CEP97: variants seen among roughly 807,000 people sequenced by gnomAD.
CEP97 encodes the protein centrosomal protein 97, also known as centrosomal protein of 97 kDa.
Under a neutral mutation model 73.1 loss-of-function variants are expected in CEP97, and 43 were observed. The ratio of observed to expected loss-of-function variants is 0.59; its 90% CI spans 0.46 to 0.76. The LOEUF (loss-of-function observed/expected upper bound fraction) is 0.76, where lower values mean the gene tolerates loss of function less well. CEP97 is among the 30% of genes least tolerant of loss of function. The pLI, the probability that CEP97 is intolerant of heterozygous loss-of-function variation, is 0.00. For missense variants in CEP97, 939 were observed against 1,014.0 expected, an observed-to-expected ratio of 0.93 and a Z score of 1.00; for synonymous variants, 337 against 370.0, an observed-to-expected ratio of 0.91 and a Z score of 1.02.
intron 9 of CEP97, among the ~76,000 whole-genome samples, chr3:101,760,854 T>C (rs1939153521): frequency 6.7e-6 from 1 of 148,194 alleles, no homozygotes; most frequent in Non-Finnish European, 1.5e-5. Flanking sequence ...TTTATTTTTA[T>C]TTTTTATCTA....
At chr3:101,737,604 A>C (rs1319608771) in intron 6 of CEP97, among the ~76,000 whole-genome samples, 1 of 152,216 alleles carries the variant, frequency 6.6e-6, no homozygotes, top group African/African-American at 2.4e-5. Flanking sequence ...TTCATAAGTG[A>C]AGGAGAAATA....
Position 101,755,532 on chromosome 3 carries a change from T to C in CEP97, c.831T>C (p.Thr277=), listed in dbSNP as rs759524911. ...VQYLATVCPL[T]STLGLQTAED... The stretch of plus-strand genomic sequence containing the variant: ...ATCTGGCTACAGTCTGCCCCCTCAC[T>C]TCTACACTAGGTCTTCAAACTGCAG... The change falls in exon 7 of 11, where the codon ACT becomes ACC. Residue 277 remains threonine, a synonymous_variant. Transcript: ENST00000341893. 25 of 1,612,774 alleles carry C rather than the reference T, an allele frequency of 1.6e-5. No individual in the cohort carries two copies. Among genetic ancestry groups the C allele is most frequent in the Non-Finnish European group, 2.1e-5 (25 of 1,179,584 alleles).
intron 5 of CEP97, among the ~76,000 whole-genome samples, 172 bp from the exon 6 acceptor site, chr3:101,732,316 G>A (rs1247460794): frequency 6.6e-6 from 1 of 152,162 alleles, no homozygotes; most frequent in Non-Finnish European, 1.5e-5. Context: ...TGTGCAGCAG[G>A]GACAGATGGC....
chr3:101,732,459 T>A, intron 5 of CEP97, 29 bp from the exon 6 acceptor site: 1 of 1,556,858 alleles, frequency 6.4e-7, no homozygotes, highest in Non-Finnish European at 8.8e-7. Flanking sequence ...AATAGTCCTT[T>A]TGTTCAACAA....
rs745645964 is a variant in CEP97 at position 101,765,093 on chromosome 3, T to C, written c.2140T>C (p.Leu714=). The change falls in exon 11 of 11, where the codon TTG becomes CTG. Residue 714 remains leucine, a synonymous_variant. Transcript: ENST00000341893. Reference sequence around the variant, plus strand: ...CTCTCTAACAGAACAAGTTCATTCATTGCAGCATTCTTTGGATTTTGAGAA... The same window carrying C: ...CTCTCTAACAGAACAAGTTCATTCACTGCAGCATTCTTTGGATTTTGAGAA... The part of the protein sequence containing the change: ...HSSLTEQVHS[L]QHSLDFEKSS... The C allele has an allele frequency of 2.7e-5, 44 of 1,614,058 alleles. No individual in the cohort carries two copies. Among genetic ancestry groups the C allele is most frequent in the Non-Finnish European group, 3.6e-5 (43 of 1,180,036 alleles).
At chr3:101,751,194 T>C (rs1938805336) in intron 6 of CEP97, among the ~76,000 whole-genome samples, 1 of 152,246 alleles carries the variant, frequency 6.6e-6, no homozygotes, top group Non-Finnish European at 1.5e-5. Flanking sequence ...CTGGAGCAGG[T>C]TGTTCAGTTA....
chr3:101,732,401 A>C (rs925921138), intron 5 of CEP97, 87 bp from the exon 6 acceptor site: 2 of 886,856 alleles, frequency 2.3e-6, no homozygotes, highest in Non-Finnish European at 1.8e-6. Context: ...CACATTCTCA[A>C]ATGCTGCCAA....
chr3:101,733,277 G>A (rs1173842051), intron 6 of CEP97, among the ~76,000 whole-genome samples: 2 of 152,140 alleles, frequency 1.3e-5, no homozygotes, highest in Admixed American at 6.5e-5. Context: ...TAGATCCTGT[G>A]TAGGATCTCA....
In CEP97 at chr3:101,724,646, G is replaced by C; in HGVS notation, c.-31G>C. 2 of 1,613,900 alleles carry C rather than the reference G, an allele frequency of 1.2e-6. No individual in the cohort carries two copies. Among genetic ancestry groups the C allele is most frequent in the Non-Finnish European group, 1.7e-6 (2 of 1,179,842 alleles). On this transcript the variant is annotated 5_prime_UTR_variant, in exon 1 of 11. Coordinates refer to ENST00000341893, the MANE Select transcript of CEP97 (RefSeq NM_024548.4). ...AAGCTCCACAGAGCCGCGGGAGGAC[G>C]GTTGCCTGGTATTATTAGCAAGCAG...
chr3:101,767,042 C>G lies in CEP97; in HGVS notation c.*1491C>G, dbSNP rs1338641530. The G allele has an allele frequency of 6.6e-6, 1 of 152,198 alleles. No individual in the cohort carries two copies. The highest frequency in any genetic ancestry group is 1.5e-5 in the Non-Finnish European group (1 of 68,044). 9.4% of individuals were successfully genotyped at this position (152,198 alleles called of 1,614,324 possible). Reference sequence around the variant, plus strand: ...TCCTGGCTCAAGTGATCTCCCACTTCAGCCTCCCGAGTATCTGGGATTATA... The same window carrying G: ...TCCTGGCTCAAGTGATCTCCCACTTGAGCCTCCCGAGTATCTGGGATTATA... On this transcript the variant is annotated 3_prime_UTR_variant, in exon 11 of 11. Transcript: ENST00000341893.
chr3:101,726,770 G>C (rs949575423), intron 2 of CEP97, 34 bp downstream of exon 2: 1 of 1,465,726 alleles, frequency 6.8e-7, no homozygotes, highest in African/African-American at 1.4e-5. Flanking sequence ...GGTTACATAG[G>C]ATCAATTTAT....
At chr3:101,753,937 C>T (rs890177811) in intron 6 of CEP97, among the ~76,000 whole-genome samples, 3 of 152,154 alleles carry the variant, frequency 2.0e-5, no homozygotes, top group African/African-American at 7.2e-5. Context: ...TCTGGCACTC[C>T]CTAGTGGGAT....
rs144348649 is a variant in CEP97, at chr3:101,755,477, G to A, written c.776G>A (p.Arg259Gln). ...LYSQGKGRAY[R>Q]PGQHIQLVQY... ...AGTCAAGGCAAGGGGAGAGCATATC[G>A]GCCTGGCCAGCACATCCAGCTTGTC... The change falls in exon 7 of 11, where the codon CGG (arginine) becomes CAG (glutamine). Residue 259 changes from arginine (R) to glutamine (Q), a missense_variant. By Grantham distance (43) the Arg-to-Gln change is conservative. Transcript: ENST00000341893. The A allele has an allele frequency of 8.1e-6, 13 of 1,613,926 alleles. No individual in the cohort carries two copies. The East Asian group carries it at 8.9e-5, about 11-fold the overall frequency.
Position 101,764,875 on chromosome 3 carries a change from C to G in CEP97, c.1922C>G (p.Thr641Arg), listed in dbSNP as rs1939267478. 4 of 1,612,126 alleles carry G rather than the reference C, an allele frequency of 2.5e-6. No homozygotes were observed. ...AGGTCTCTACAGGTTTGGCAACAGA[C>G]AGTGGACCAGCGTCTAAGTTCCTGG... The part of the protein sequence containing the change: ...QVRSLQVWQQ[T>R]VDQRLSSWHT... Residue 641 changes from threonine (T) to arginine (R), a missense_variant, in exon 11 of 11, where the codon ACA becomes AGA. Thr to Arg is a moderately conservative substitution (Grantham distance 71, BLOSUM62 -1). Transcript: ENST00000341893.
rs776062812 is a variant in CEP97 at position 101,732,532 on chromosome 3, T to C, written c.606T>C (p.Ile202=). The C allele has an allele frequency of 6.2e-7, 1 of 1,613,654 alleles. No individual in the cohort carries two copies. The highest frequency in any genetic ancestry group is 1.1e-5 in the South Asian group (1 of 91,026). The part of the protein sequence containing the change: ...ASLTELEQLS[I]MNNPCVMATP... ...TAACTGAATTGGAACAGTTGTCGATTATGAACAATCCTTGTGTGATGGCAA... is the reference window on the plus strand; with the variant it reads ...TAACTGAATTGGAACAGTTGTCGATCATGAACAATCCTTGTGTGATGGCAA... The change falls in exon 6 of 11, where the codon ATT becomes ATC. Residue 202 remains isoleucine, a synonymous_variant. Transcript: ENST00000341893.
chr3:101,746,933 C>G (rs560745791), intron 6 of CEP97, among the ~76,000 whole-genome samples: 202 of 149,066 alleles, frequency 1.4e-3, no homozygotes, highest in Non-Finnish European at 2.6e-3. Context: ...AAAAAATGCT[C>G]ACCATCACTG....
chr3:101,750,620 T>C (rs912490180), intron 6 of CEP97, among the ~76,000 whole-genome samples: 1 of 152,238 alleles, frequency 6.6e-6, no homozygotes, highest in Non-Finnish European at 1.5e-5. Context: ...GAGATTCAAC[T>C]TCTTCCTGGT....
At position 101,766,223 on chromosome 3, in the gene CEP97, G is replaced by T. The variant is rs1939315027; in HGVS notation, c.*672G>T. ...ATATGAAGTAAAGTGTTCTATCCAG[G>T]ATTAAAGTCAAGTTTACTTAGGCAA... On this transcript the variant is annotated 3_prime_UTR_variant, in exon 11 of 11. Coordinates refer to ENST00000341893, the MANE Select transcript of CEP97 (RefSeq NM_024548.4). 1.3e-5 allele frequency: 2 copies of T among 152,134 alleles called. No individual in the cohort carries two copies. The highest frequency in any genetic ancestry group is 2.4e-5 in the African/African-American group (1 of 41,424). 9.4% of individuals were successfully genotyped at this position (152,134 alleles called of 1,614,324 possible). A position where few individuals can be genotyped will look rare whatever the true frequency, so the allele number is the denominator to read the frequency against.
intron 6 of CEP97, 121 bp from the exon 7 acceptor site, chr3:101,755,309 A>C (rs1938973040): frequency 1.2e-6 from 1 of 829,024 alleles, no homozygotes; most frequent in Admixed American, 2.5e-5. Flanking sequence ...AGTGAATTTT[A>C]TTTATGAAAA....
Sources: gnomAD v4.1 joint callset for allele counts (sites outside exome capture counted in the v4.1 genomes callset) on GRCh38, gnomAD v4.1.1 for gene constraint, MANE v1.5 for transcripts, NCBI Gene and HGNC (gene_info 2026-07-23, HGNC 2026-07-21) for gene names.